The following BCKDHB variants were observed in gnomAD, a reference collection of about 807,000 sequenced individuals.
The protein encoded by BCKDHB is branched chain keto acid dehydrogenase E1 subunit beta.
Under a neutral mutation model 48.5 loss-of-function variants are expected in BCKDHB, and 41 were observed. The ratio of observed to expected loss-of-function variants is 0.85; its 90% CI spans 0.66 to 1.10. The LOEUF (loss-of-function observed/expected upper bound fraction) is 1.10. Among genes scored for constraint, BCKDHB ranks in the 50% least tolerant of loss-of-function variants. BCKDHB has a pLI of 0.00. For missense variants in BCKDHB, 496 were observed against 494.2 expected (o/e 1.00, Z -0.03); for synonymous variants, 201 against 174.8 (o/e 1.15, Z -1.18).
At chr6:80,224,513 C>A (rs1034066498) in intron 8 of BCKDHB, among the ~76,000 whole-genome samples, 5 of 152,060 alleles carry the variant, frequency 3.3e-5, no homozygotes, top group African/African-American at 1.2e-4. Context: ...CGACTTCAGC[C>A]TTCTGAGTAG....
the BCKDHB span, among the ~76,000 whole-genome samples, chr6:80,397,132 A>C: frequency 2.0e-5 from 3 of 152,156 alleles, no homozygotes; most frequent in African/African-American, 7.2e-5. Flanking sequence ...GTTTTTTGTC[A>C]GATAGGGGTG....
chr6:80,395,490 G>T, the BCKDHB span, among the ~76,000 whole-genome samples: 2 of 152,182 alleles, frequency 1.3e-5, no homozygotes, highest in Non-Finnish European at 2.9e-5. Flanking sequence ...AGAGAGATGT[G>T]TGGAACTTTG....
intron 9 of BCKDHB, among the ~76,000 whole-genome samples, chr6:80,339,454 A>C (rs1344513113): frequency 6.6e-6 from 1 of 152,224 alleles, no homozygotes; most frequent in South Asian, 2.1e-4. Flanking sequence ...GTTACAGAAA[A>C]TAGTCAAATG....
At chr6:80,206,260 A>G (rs977207167) in intron 8 of BCKDHB, among the ~76,000 whole-genome samples, 3 of 150,820 alleles carry the variant, frequency 2.0e-5, no homozygotes, top group Non-Finnish European at 4.4e-5. Context: ...TGAATTTTTT[A>G]TTGAATTATG....
intron 9 of BCKDHB, among the ~76,000 whole-genome samples, chr6:80,284,174 A>T (rs539607649): frequency 6.6e-6 from 1 of 152,132 alleles, no homozygotes; most frequent in African/African-American, 2.4e-5. Flanking sequence ...ATCTATTTTC[A>T]TGAATGAGTT....
chr6:80,342,342 A>G (rs1769948587), intron 9 of BCKDHB, among the ~76,000 whole-genome samples: 1 of 152,096 alleles, frequency 6.6e-6, no homozygotes, highest in Non-Finnish European at 1.5e-5. Flanking sequence ...TATTTTAAGT[A>G]ATAGCTGTGA....
chr6:80,107,558 C>CATAT (rs71727964), intron 1 of BCKDHB, among the ~76,000 whole-genome samples: 28 of 137,284 alleles, frequency 2.0e-4, no homozygotes, highest in African/African-American at 7.1e-4. Context: ...CATATATATG[C>CATAT]ATATATATAT....
At chr6:80,242,041 C>T (rs527459699) in intron 8 of BCKDHB, among the ~76,000 whole-genome samples, 8 of 152,218 alleles carry the variant, frequency 5.3e-5, no homozygotes, top group South Asian at 2.1e-4. Flanking sequence ...TTTTGATGCA[C>T]GGAAGTTTTA....
chr6:80,408,453 C>T, the BCKDHB span, among the ~76,000 whole-genome samples: 2 of 151,902 alleles, frequency 1.3e-5, no homozygotes. Context: ...TTTTTAACCT[C>T]TGGTAGAATT....
At chr6:80,462,034 A>G in the BCKDHB span, among the ~76,000 whole-genome samples, 2 of 152,142 alleles carry the variant, frequency 1.3e-5, no homozygotes, top group Middle Eastern at 3.4e-3. Context: ...TGTTTATTTC[A>G]TGTTCCTATC....
At chr6:80,398,256 A>G in the BCKDHB span, among the ~76,000 whole-genome samples, 7 of 120 alleles carry the variant, frequency 0.058, no homozygotes, top group Non-Finnish European at 0.1. Flanking sequence ...GAGATTGAGA[A>G]ACAAAAATCA....
At chr6:80,366,432 A>T in the BCKDHB span, among the ~76,000 whole-genome samples, 2 of 152,222 alleles carry the variant, frequency 1.3e-5, no homozygotes, top group Non-Finnish European at 2.9e-5. Flanking sequence ...ATAGTCAGCA[A>T]CATTTCTCTT....
intron 9 of BCKDHB, among the ~76,000 whole-genome samples, chr6:80,321,684 A>G (rs1768730640): frequency 6.6e-6 from 1 of 152,252 alleles, no homozygotes; most frequent in Non-Finnish European, 1.5e-5. Context: ...AATCCCTTAA[A>G]TGAAAAATAG....
At chr6:80,388,382 T>C in the BCKDHB span, among the ~76,000 whole-genome samples, 1 of 152,172 alleles carries the variant, frequency 6.6e-6, no homozygotes, top group Non-Finnish European at 1.5e-5. Context: ...CCTGCCATTA[T>C]CTGCAGATAA....
chr6:80,462,627 A>T, the BCKDHB span, among the ~76,000 whole-genome samples: 1 of 152,178 alleles, frequency 6.6e-6, no homozygotes, highest in Non-Finnish European at 1.5e-5. Flanking sequence ...CTAAGTGAGT[A>T]TGAGAGAGAA....
At chr6:80,353,230 A>G in the BCKDHB span, among the ~76,000 whole-genome samples, 1 of 152,220 alleles carries the variant, frequency 6.6e-6, no homozygotes, top group Admixed American at 6.5e-5. Context: ...CCTGAAAAAA[A>G]TCTGATTTTA....
chr6:80,259,603 A>T (rs1777204587), intron 8 of BCKDHB, among the ~76,000 whole-genome samples: 2 of 152,196 alleles, frequency 1.3e-5, no homozygotes, highest in Non-Finnish European at 2.9e-5. Context: ...TTTGAGACAG[A>T]TTTATAAATG....
At chr6:80,394,410 A>G in the BCKDHB span, among the ~76,000 whole-genome samples, 3 of 151,722 alleles carry the variant, frequency 2.0e-5, no homozygotes, top group Admixed American at 6.6e-5. Context: ...TGCAATATTT[A>G]TCTCACCATT....
intron 6 of BCKDHB, among the ~76,000 whole-genome samples, chr6:80,189,689 T>C (rs1449808321): frequency 3.9e-5 from 6 of 152,186 alleles, no homozygotes; most frequent in Admixed American, 3.9e-4. Context: ...TAGAAAACAC[T>C]AAACTCTTAA....
Sources: gnomAD v4.1 joint callset for allele counts (sites outside exome capture counted in the v4.1 genomes callset) on GRCh38, gnomAD v4.1.1 for gene constraint, MANE v1.5 for transcripts, NCBI Gene and HGNC (gene_info 2026-07-23, HGNC 2026-07-21) for gene names.